Variants in XPA observed in about 807,000 individuals in gnomAD.
The protein encoded by XPA is XPA, DNA damage recognition and repair factor.
In XPA, 27 loss-of-function variants were observed where a neutral mutation model predicts 35.7. That is an observed-to-expected ratio of 0.76 (90% CI 0.56 to 1.04). The LOEUF is 1.04. XPA is among the 50% of genes least tolerant of loss of function. XPA has a pLI of 0.00. For synonymous variants in XPA, 133 were observed against 118.4 expected, an observed-to-expected ratio of 1.12 and a Z score of -0.80; for missense variants, 354 against 342.7, an observed-to-expected ratio of 1.03 and a Z score of -0.26.
rs543566010 is a variant in XPA at position 97,682,401 on chromosome 9, G to A, written c.673+2522C>T. ...GTGTCTACTCCAGTCTCAGCCCTTT[G>A]TGGCCTATTCAGGAAGGCGGGAACA... On this transcript the variant is annotated intron_variant, in intron 5 of 5. Coordinates refer to ENST00000375128, the MANE Select transcript of XPA (RefSeq NM_000380.4). The A allele has an allele frequency of 1.7e-5, 9 of 518,814 alleles. No individual in the cohort carries two copies. The Admixed American group carries it at 1.7e-4, about 10-fold the overall frequency. 32.1% of individuals were successfully genotyped at this position (518,814 alleles called of 1,614,324 possible). A position where few individuals can be genotyped will look rare whatever the true frequency, so the allele number is the denominator to read the frequency against.
At position 97,697,057 on chromosome 9, in the gene XPA, C is replaced by A; in HGVS notation, c.172+64G>T. The stretch of plus-strand genomic sequence containing the variant: ...CCCGGGCCCCGGGACTCGGCTTGCA[C>A]GAGCCAGTCTGGGGACCGGGGAGGC... On this transcript the variant is annotated intron_variant, in intron 1 of 5. Transcript: ENST00000375128. 4.1e-6 allele frequency: 6 copies of A among 1,476,598 alleles called. No individual in the cohort carries two copies. The South Asian group carries it at 8.1e-5, about 20-fold the overall frequency. The allele number at this position is 1,476,598 out of a possible 1,614,324, so 91.5% of individuals were successfully genotyped here.
the XPA span, among the ~76,000 whole-genome samples, chr9:97,657,990 CAT>C: frequency 6.9e-6 from 1 of 144,098 alleles, no homozygotes; most frequent in Non-Finnish European, 1.5e-5. Flanking sequence ...TCTAGAACAA[CAT>C]ATTTAGGATC....
chr9:97,666,406 TA>T, the XPA span, among the ~76,000 whole-genome samples: 16 of 152,216 alleles, frequency 1.1e-4, no homozygotes, highest in Admixed American at 1.0e-3. Context: ...TTTCTACACA[TA>T]ATGTTTACAT....
chr9:97,664,792 G>T, the XPA span, among the ~76,000 whole-genome samples: 3 of 152,316 alleles, frequency 2.0e-5, no homozygotes, highest in East Asian at 5.8e-4. Flanking sequence ...TCCAGCTTCA[G>T]TGGGGATGGC....
intron 5 of XPA, among the ~76,000 whole-genome samples, chr9:97,679,825 C>T (rs984748388): frequency 2.6e-5 from 4 of 152,168 alleles, no homozygotes; most frequent in African/African-American, 9.7e-5. Context: ...ACTACCACTC[C>T]CTTAAAAGAC....
At chr9:97,691,026 C>T (rs760356365) in intron 2 of XPA, among the ~76,000 whole-genome samples, 1 of 152,172 alleles carries the variant, frequency 6.6e-6, no homozygotes, top group South Asian at 2.1e-4. Flanking sequence ...CACAGCACTG[C>T]TGAAAGTACA....
Position 97,675,029 on chromosome 9 carries a change from G to A in XPA, c.*410C>T, listed in dbSNP as rs1828307168. On this transcript the variant is annotated 3_prime_UTR_variant, in exon 6 of 6. Coordinates refer to ENST00000375128, the MANE Select transcript of XPA (RefSeq NM_000380.4). ...CTAAAAAACACATGACTAGAACCTG[G>A]GGTACAGTGGTGCACCACCATTGCT... is the stretch of plus-strand genomic sequence containing the variant. 1 of 529,306 alleles carries A rather than the reference G, an allele frequency of 1.9e-6. No homozygotes were observed. The highest frequency in any genetic ancestry group is 1.5e-5 in the South Asian group (1 of 65,140). 32.8% of individuals were successfully genotyped at this position (529,306 alleles called of 1,614,324 possible).
the XPA span, chr9:97,654,738 CA>C: frequency 1.3e-6 from 1 of 774,092 alleles, no homozygotes; most frequent in East Asian, 2.7e-5. Flanking sequence ...TAAGAAAAAA[CA>C]AAAACAAGAT....
chr9:97,657,146 T>G, the XPA span, among the ~76,000 whole-genome samples: 1 of 152,124 alleles, frequency 6.6e-6, no homozygotes, highest in African/African-American at 2.4e-5. Context: ...TTTTGTAGTT[T>G]TAGTAGAGAC....
the XPA span, among the ~76,000 whole-genome samples, chr9:97,668,443 A>G: frequency 6.6e-6 from 1 of 152,238 alleles, no homozygotes; most frequent in Non-Finnish European, 1.5e-5. Flanking sequence ...TTTCTAAATT[A>G]TAACAAGAAT....
chr9:97,654,888 G>A, the XPA span: 3 of 1,613,486 alleles, frequency 1.9e-6, no homozygotes, highest in Non-Finnish European at 1.7e-6. Context: ...AGCTTGCACA[G>A]GCAACTGAAA....
chr9:97,669,511 T>G, the XPA span: 3 of 887,944 alleles, frequency 3.4e-6, no homozygotes, highest in Non-Finnish European at 5.5e-6. Context: ...AGGCAATACT[T>G]TGGGGTTTCT....
the XPA span, chr9:97,655,973 T>G: frequency 6.4e-7 from 1 of 1,567,926 alleles, no homozygotes; most frequent in Non-Finnish European, 8.8e-7. Context: ...AAGTGCAGAT[T>G]ATATGTAAGC....
intron 2 of XPA, among the ~76,000 whole-genome samples, chr9:97,693,000 T>C (rs1443547219): frequency 1.3e-5 from 2 of 151,444 alleles, no homozygotes; most frequent in African/African-American, 2.4e-5. Context: ...ACCACCTACA[T>C]TGATGAATGC....
the XPA span, chr9:97,654,907 A>C: frequency 6.2e-7 from 1 of 1,612,994 alleles, no homozygotes; most frequent in African/African-American, 1.3e-5. Flanking sequence ...AATGCTATAC[A>C]TGCGTTTGGA....
chr9:97,655,077 A>G, the XPA span: 4 of 649,016 alleles, frequency 6.2e-6, no homozygotes, highest in East Asian at 3.2e-5. Flanking sequence ...TAACCTTTGT[A>G]TAATAACCAG....
Position 97,687,256 on chromosome 9 carries a change from G to T in XPA, c.395C>A (p.Ala132Asp), listed in dbSNP as rs1202783088. Residue 132 changes from alanine (A) to aspartate (D), a missense_variant, in exon 4 of 6, where the codon GCT (alanine) becomes GAT (aspartate). Ala to Asp is a moderately radical substitution (Grantham distance 126). Transcript: ENST00000375128. Reference sequence around the variant, plus strand: ...GGTTATAAGCTTGTGTTTATCATCAGCATCTCTGAAAACAGATTAAGTCCA... The same window carrying T: ...GGTTATAAGCTTGTGTTTATCATCATCATCTCTGAAAACAGATTAAGTCCA... ...DLPTCDNCRD[A>D]DDKHKLITKT... The T allele has an allele frequency of 2.5e-6, 4 of 1,604,390 alleles. No individual in the cohort carries two copies. In the South Asian group the frequency reaches 4.5e-5, roughly 18 times the overall value.
the XPA span, chr9:97,655,774 GGTTT>G: frequency 1.2e-6 from 2 of 1,605,124 alleles, no homozygotes; most frequent in South Asian, 1.1e-5. Context: ...GGTAAGTGAT[GGTTT>G]GTTTTATCTT....
intron 1 of XPA, among the ~76,000 whole-genome samples, 194 bp downstream of exon 1, chr9:97,696,927 T>C (rs1014506238): frequency 1.1e-4 from 16 of 152,066 alleles, no homozygotes; most frequent in Non-Finnish European, 7.4e-5. Flanking sequence ...AGAGGAACGC[T>C]CTGTGGTCGT....
Sources: allele counts gnomAD v4.1 joint callset (sites outside exome capture counted in the v4.1 genomes callset), GRCh38; gene constraint gnomAD v4.1.1; transcripts MANE v1.5; gene names NCBI Gene and HGNC (gene_info 2026-07-23, HGNC 2026-07-21).